Variants in DLGAP2 observed in about 807,000 individuals in gnomAD.
DLGAP2 encodes the protein DLG associated protein 2, also known as disks large-associated protein 2.
In DLGAP2, 26 loss-of-function variants were observed where a neutral mutation model predicts 100.3. That is an observed-to-expected ratio of 0.26 (90% CI 0.19 to 0.36). The LOEUF (loss-of-function observed/expected upper bound fraction) is 0.36, where lower values mean the gene tolerates loss of function less well. DLGAP2 is among the 10% of genes least tolerant of loss of function. The pLI, the probability that DLGAP2 is intolerant of heterozygous loss-of-function variation, is 1.00. For synonymous variants in DLGAP2, 886 were observed against 630.1 expected (o/e 1.41, Z -6.08); for missense variants, 1,858 against 1,453.2 (o/e 1.28, Z -4.53).
intron 2 of DLGAP2, among the ~76,000 whole-genome samples, chr8:932,382 T>C (rs567988726): frequency 6.6e-6 from 1 of 152,250 alleles, no homozygotes; most frequent in African/African-American, 2.4e-5. Flanking sequence ...GGAAAAATTC[T>C]CACTAGAGAT....
At chr8:1,332,158 AGTGT>A (rs1222792744) in intron 3 of DLGAP2, among the ~76,000 whole-genome samples, 1 of 151,840 alleles carries the variant, frequency 6.6e-6, no homozygotes, top group Non-Finnish European at 1.5e-5. Context: ...GGTGTGTGTG[AGTGT>A]GTGTGTGCGA....
intron 3 of DLGAP2, among the ~76,000 whole-genome samples, chr8:1,452,563 G>T (rs771363456): frequency 6.6e-6 from 1 of 152,230 alleles, no homozygotes; most frequent in Non-Finnish European, 1.5e-5. Flanking sequence ...CCAGTGGCCC[G>T]GCTTAAATTG....
intron 1 of DLGAP2, among the ~76,000 whole-genome samples, chr8:804,770 T>G (rs1255255816): frequency 6.6e-6 from 1 of 152,160 alleles, no homozygotes; most frequent in African/African-American, 2.4e-5. Flanking sequence ...CTTTTTCATT[T>G]TATTTCTTTT....
intron 8 of DLGAP2, among the ~76,000 whole-genome samples, chr8:1,649,017 C>T (rs1355189280): frequency 6.6e-6 from 1 of 152,134 alleles, no homozygotes. Flanking sequence ...CGTCTGAACA[C>T]ATGTCTGGGG....
At chr8:1,650,173 A>G (rs989130738) in intron 8 of DLGAP2, among the ~76,000 whole-genome samples, 1 of 152,248 alleles carries the variant, frequency 6.6e-6, no homozygotes, top group African/African-American at 2.4e-5. Context: ...ATTTCGATCA[A>G]TTACACAATC....
intron 1 of DLGAP2, among the ~76,000 whole-genome samples, chr8:788,556 C>T (rs754074984): frequency 4.6e-5 from 7 of 152,216 alleles, no homozygotes; most frequent in Admixed American, 1.3e-4. Flanking sequence ...AGATAGTAGC[C>T]ATTTACAAAT....
Position 1,248,592 on chromosome 8 carries a change from C to G in DLGAP2, c.74-10259C>G, listed in dbSNP as rs144252479. The G allele has an allele frequency of 6.3e-5, 9 of 143,202 alleles. 2 individuals carry two copies. Among genetic ancestry groups the G allele is most frequent in the African/African-American group, 2.1e-4 (8 of 38,220 alleles). The allele number at this position is 143,202 out of a possible 1,614,324, so 8.9% of individuals were successfully genotyped here. ...CGGTGGCTCGGAAGACCTTTGAGAT[C>G]AGTGTAGGAGTGATGGTCCACGTCG... On this transcript the variant is annotated intron_variant, in intron 2 of 14. Coordinates refer to ENST00000637795, the MANE Select transcript of DLGAP2 (RefSeq NM_001346810.2).
In DLGAP2 at chr8:1,270,615, G is replaced by A. The variant is rs1474040484; in HGVS notation, c.106+11732G>A. On this transcript the variant is annotated intron_variant, in intron 3 of 14. Coordinates refer to ENST00000637795, the MANE Select transcript of DLGAP2 (RefSeq NM_001346810.2). ...GGCTTCTTAAGAACGTAACTTCTCT[G>A]ACCCTGACGTTCTCCCAGTAAAATT... 2.0e-5 allele frequency among the ~76,000 whole-genome samples: 3 copies of A among 152,026 alleles called. No homozygotes were observed. The East Asian group carries it at 5.8e-4, about 29-fold the overall frequency.
At chr8:1,069,649 A>G (rs1428757388) in intron 2 of DLGAP2, among the ~76,000 whole-genome samples, 1 of 152,154 alleles carries the variant, frequency 6.6e-6, no homozygotes, top group African/African-American at 2.4e-5. Context: ...ATTAGAGTAT[A>G]ATATATACTC....
chr8:946,933 G>A (rs570057917), intron 2 of DLGAP2, among the ~76,000 whole-genome samples: 11 of 152,210 alleles, frequency 7.2e-5, no homozygotes, highest in Non-Finnish European at 1.5e-4. Context: ...GCCCTGTCCT[G>A]CTGCCGGGGT....
intron 2 of DLGAP2, among the ~76,000 whole-genome samples, chr8:1,179,810 C>G (rs1797341682): frequency 6.6e-6 from 1 of 152,120 alleles, no homozygotes; most frequent in Non-Finnish European, 1.5e-5. Context: ...TCACGGCATA[C>G]CCTTACATTT....
rs112734750 is a variant in DLGAP2, at chr8:900,879, C to T, written c.19-7033C>T. On this transcript the variant is annotated intron_variant, in intron 1 of 14. Coordinates refer to ENST00000637795, the MANE Select transcript of DLGAP2 (RefSeq NM_001346810.2). ...TAAAAGAAAATGGGCTCCGTAGGTC[C>T]GACAGCTGAATAATAGAAGTTCCAG... Among the ~76,000 whole-genome samples, 53 of 152,124 alleles carry T rather than the reference C, an allele frequency of 3.5e-4. 1 individual carries two copies. Among genetic ancestry groups the T allele is most frequent in the African/African-American group, 1.2e-3 (49 of 41,490 alleles).
chr8:1,441,784 A>G lies in DLGAP2; in HGVS notation c.107-59582A>G, dbSNP rs372293869. Among the ~76,000 whole-genome samples, 176 of 143,894 alleles carry G rather than the reference A, an allele frequency of 1.2e-3. 1 individual carries two copies. The highest frequency in any genetic ancestry group is 4.3e-3 in the African/African-American group (164 of 37,856). 94.4% of individuals were successfully genotyped at this position (143,894 alleles called of 152,430 possible). On this transcript the variant is annotated intron_variant, in intron 3 of 14. Transcript: ENST00000637795. ...AGAGTGGGCTTTCAACAGCTTGACCAGTTTTTTTTTTTTTATTTAATTTAA... is the reference window on the plus strand; with the variant it reads ...AGAGTGGGCTTTCAACAGCTTGACCGGTTTTTTTTTTTTTATTTAATTTAA...
intron 1 of DLGAP2, among the ~76,000 whole-genome samples, chr8:887,650 A>G (rs1797948435): frequency 6.6e-6 from 1 of 152,210 alleles, no homozygotes; most frequent in Non-Finnish European, 1.5e-5. Context: ...TTGGCTGGAT[A>G]TGAAATTCTG....
intron 9 of DLGAP2, among the ~76,000 whole-genome samples, chr8:1,669,338 C>T (rs1241687927): frequency 6.6e-6 from 1 of 152,186 alleles, no homozygotes; most frequent in Non-Finnish European, 1.5e-5. Flanking sequence ...GAGCTCTGGC[C>T]GGCTCCTGCC....
At chr8:1,416,261 C>T (rs535000603) in intron 3 of DLGAP2, among the ~76,000 whole-genome samples, 133 of 152,274 alleles carry the variant, frequency 8.7e-4, no homozygotes, top group Non-Finnish European at 1.7e-3. Flanking sequence ...GCGACCAGCC[C>T]GGCCTGGCGG....
At chr8:1,047,839 G>C (rs1802558215) in intron 2 of DLGAP2, among the ~76,000 whole-genome samples, 1 of 152,122 alleles carries the variant, frequency 6.6e-6, no homozygotes, top group Admixed American at 6.5e-5. Context: ...TGGATTTTGA[G>C]GGGACAGAAA....
At chr8:1,479,526 T>G (rs1799031191) in intron 3 of DLGAP2, among the ~76,000 whole-genome samples, 1 of 152,144 alleles carries the variant, frequency 6.6e-6, no homozygotes, top group Non-Finnish European at 1.5e-5. Context: ...GAAAGTGGTG[T>G]TTACTTGATG....
chr8:1,464,458 A>C (rs941211646), intron 3 of DLGAP2, among the ~76,000 whole-genome samples: 1 of 140,338 alleles, frequency 7.1e-6, no homozygotes, highest in Non-Finnish European at 1.6e-5. Flanking sequence ...CCCAGGCAGT[A>C]AGTCACCATC....
Sources: allele counts gnomAD v4.1 joint callset (sites outside exome capture counted in the v4.1 genomes callset), GRCh38; gene constraint gnomAD v4.1.1; transcripts MANE v1.5; gene names NCBI Gene and HGNC (gene_info 2026-07-23, HGNC 2026-07-21).